HNRNPD: variants seen among roughly 807,000 people sequenced by gnomAD.
The protein encoded by HNRNPD is heterogeneous nuclear ribonucleoprotein D0.
Under a neutral mutation model 47.9 loss-of-function variants are expected in HNRNPD, and 3 were observed. The observed-to-expected ratio is 0.06, with a 90% CI of 0.03 to 0.16. HNRNPD has a LOEUF of 0.16. HNRNPD is among the 10% of genes least tolerant of loss of function. The probability of loss-of-function intolerance (pLI) is 1.00; values close to 1 mark genes in which losing one functional copy is unlikely to be tolerated. For synonymous variants in HNRNPD, 171 were observed against 165.1 expected (o/e 1.04, Z -0.28); for missense variants, 287 against 454.2 (o/e 0.63, Z 3.35).
chr4:82,358,861 A>T, intron 3 of HNRNPD, 41 bp from the exon 4 acceptor site: 1 of 1,423,206 alleles, frequency 7.0e-7, no homozygotes, highest in Non-Finnish European at 9.7e-7. Flanking sequence ...TATATATCTT[A>T]ACTGAAGTTC....
intron 2 of HNRNPD, among the ~76,000 whole-genome samples, chr4:82,365,879 A>G (rs539223129): frequency 6.9e-6 from 1 of 144,566 alleles, no homozygotes; most frequent in South Asian, 2.1e-4. Context: ...CCAAAGTGCT[A>G]TATTACAAGC....
In HNRNPD at chr4:82,361,310, T is replaced by C. The variant is rs144175466; in HGVS notation, c.291-1671A>G. Among the ~76,000 whole-genome samples the C allele has an allele frequency of 2.6e-4, 40 of 152,308 alleles. No homozygotes were observed. In the East Asian group the frequency reaches 6.9e-3, roughly 26 times the overall value. On this transcript the variant is annotated intron_variant, in intron 2 of 8. Transcript: ENST00000313899. ...CACAGACAGAAGTTATTTACCAACA[T>C]TCACCCTGTAAAGGTGAGTACACTA... is the stretch of plus-strand genomic sequence containing the variant.
intron 7 of HNRNPD, chr4:82,356,127 C>T (rs1017715240): frequency 6.4e-6 from 1 of 157,114 alleles, no homozygotes; most frequent in Non-Finnish European, 1.4e-5. Context: ...AGAGTTTCTA[C>T]ATTAATAATC....
intron 2 of HNRNPD, among the ~76,000 whole-genome samples, chr4:82,367,112 T>C (rs1235290198): frequency 6.7e-6 from 1 of 149,730 alleles, no homozygotes; most frequent in Non-Finnish European, 1.5e-5. Context: ...ATGATCCTCA[T>C]ACCTCAAGAC....
chr4:82,360,491 T>A (rs1017310121), intron 2 of HNRNPD, among the ~76,000 whole-genome samples: 3 of 152,020 alleles, frequency 2.0e-5, no homozygotes, highest in East Asian at 1.9e-4. Flanking sequence ...AATAAATAAA[T>A]AAAAAGCTAT....
rs915869896 is a variant in HNRNPD at position 82,371,989 on chromosome 4, T to C, written c.234-405A>G. 3.9e-5 allele frequency among the ~76,000 whole-genome samples: 6 copies of C among 152,198 alleles called. No individual in the cohort carries two copies. In the East Asian group the frequency reaches 7.7e-4, roughly 20 times the overall value. On this transcript the variant is annotated intron_variant, in intron 1 of 8. Transcript: ENST00000313899. ...CAGCCTGACAAGAATCTGCCTAGGC[T>C]GGGCTTAATAAACCCTATATTCCAA...
chr4:82,370,979 T>TACACACACAC (rs72155104), intron 2 of HNRNPD, among the ~76,000 whole-genome samples: 5,413 of 78,126 alleles, frequency 0.069, 173 homozygotes, highest in Non-Finnish European at 0.11. Context: ...ATGGTATATA[T>TACACACACAC]ATACACACAC....
At chr4:82,369,820 GAAC>G (rs1290181817) in intron 2 of HNRNPD, among the ~76,000 whole-genome samples, 7 of 152,164 alleles carry the variant, frequency 4.6e-5, no homozygotes, top group Non-Finnish European at 8.8e-5. Flanking sequence ...TTAAAAATGA[GAAC>G]ATTATTTTTA....
chr4:82,368,535 A>T (rs1038995974), intron 2 of HNRNPD, among the ~76,000 whole-genome samples: 1 of 152,210 alleles, frequency 6.6e-6, no homozygotes, highest in Non-Finnish European at 1.5e-5. Context: ...AATAGATGAA[A>T]ATTTACAGTG....
intron 2 of HNRNPD, among the ~76,000 whole-genome samples, chr4:82,371,133 T>A (rs1056923774): frequency 6.6e-6 from 1 of 152,234 alleles, no homozygotes; most frequent in Non-Finnish European, 1.5e-5. Flanking sequence ...CATGACATTT[T>A]AAACACAATA....
intron 2 of HNRNPD, 131 bp from the exon 3 acceptor site, chr4:82,359,770 T>C (rs1723882820): frequency 2.0e-6 from 1 of 502,854 alleles, no homozygotes; most frequent in Non-Finnish European, 3.4e-6. Context: ...TCTTCCTACA[T>C]AACCACACAT....
At chr4:82,369,136 C>G (rs1398548473) in intron 2 of HNRNPD, among the ~76,000 whole-genome samples, 1 of 152,196 alleles carries the variant, frequency 6.6e-6, no homozygotes, top group Non-Finnish European at 1.5e-5. Flanking sequence ...ACTCTGCCCT[C>G]AGAGAGCTTG....
At chr4:82,365,563 C>T (rs1031446798) in intron 2 of HNRNPD, among the ~76,000 whole-genome samples, 2 of 151,822 alleles carry the variant, frequency 1.3e-5, no homozygotes, top group African/African-American at 4.8e-5. Context: ...TCATCGAGTT[C>T]AAATACTAAC....
intron 4 of HNRNPD, chr4:82,357,880 G>C (rs1308519043): frequency 2.0e-5 from 3 of 153,308 alleles, no homozygotes; most frequent in Admixed American, 2.0e-4. Context: ...TGCCGTACAG[G>C]AGGGCAGCGT....
At position 82,353,732 on chromosome 4, in the gene HNRNPD, GTCC is replaced by G. The variant is rs1168880742; in HGVS notation, c.*450_*452del. ...CAAACTTCACTGCAATTTTAATCAT[GTCC>G]TCAATTTCGGCAAGCCTGTCTTCCA... On this transcript the variant is annotated 3_prime_UTR_variant, in exon 9 of 9. Coordinates refer to ENST00000313899, the MANE Select transcript of HNRNPD (RefSeq NM_031370.3). The G allele has an allele frequency of 6.6e-6, 1 of 152,602 alleles. No individual in the cohort carries two copies. Among genetic ancestry groups the G allele is most frequent in the Non-Finnish European group, 1.5e-5 (1 of 68,016 alleles). 9.5% of individuals were successfully genotyped at this position (152,602 alleles called of 1,614,324 possible). A position where few individuals can be genotyped will look rare whatever the true frequency, so the allele number is the denominator to read the frequency against.
At chr4:82,361,844 A>C (rs1249246845) in intron 2 of HNRNPD, among the ~76,000 whole-genome samples, 1 of 152,196 alleles carries the variant, frequency 6.6e-6, no homozygotes. Context: ...CCCCACCTTT[A>C]GTATGGTAGT....
rs997490409 is a variant in HNRNPD, at chr4:82,352,618, A to T, written c.*1567T>A. The T allele has an allele frequency of 6.6e-6, 1 of 152,212 alleles. No individual in the cohort carries two copies. Among genetic ancestry groups the T allele is most frequent in the African/African-American group, 2.4e-5 (1 of 41,456 alleles). The allele number at this position is 152,212 out of a possible 1,614,324, so 9.4% of individuals were successfully genotyped here. ...TCATTTATTTTGACCATGAGTCAGC[A>T]AACTTTTCTGTAAAGGGCCAGACTG... On this transcript the variant is annotated 3_prime_UTR_variant, in exon 9 of 9. Transcript: ENST00000313899.
chr4:82,354,540 T>C (rs914661054), intron 8 of HNRNPD: 4 of 152,630 alleles, frequency 2.6e-5, no homozygotes. Context: ...TATATACGAC[T>C]AAAAGAAAAA....
intron 8 of HNRNPD, 26 bp downstream of exon 8, chr4:82,355,277 CA>C (rs397761541): frequency 1.4e-4 from 175 of 1,235,564 alleles, no homozygotes; most frequent in Admixed American, 2.0e-4. Context: ...TTGTAAATGA[CA>C]AAAAAAAACT....
Sources: gnomAD v4.1 joint callset for allele counts (sites outside exome capture counted in the v4.1 genomes callset) on GRCh38, gnomAD v4.1.1 for gene constraint, MANE v1.5 for transcripts, NCBI Gene and HGNC (gene_info 2026-07-23, HGNC 2026-07-21) for gene names.